RAPGEF2: variants seen among roughly 807,000 people sequenced by gnomAD.
RAPGEF2 encodes the protein PDZ domain containing guanine nucleotide exchange factor (GEF) 1.
A neutral mutation model predicts 186.7 loss-of-function variants in RAPGEF2; 54 were observed. The ratio of observed to expected loss-of-function variants is 0.29; its 90% CI spans 0.23 to 0.36. The LOEUF is 0.36. RAPGEF2 is among the 10% of genes least tolerant of loss of function. RAPGEF2 has a pLI of 1.00. For missense variants in RAPGEF2, 1,532 were observed against 2,045.0 expected (o/e 0.75, Z 4.84); for synonymous variants, 712 against 705.9 (o/e 1.01, Z -0.14).
intron 19 of RAPGEF2, among the ~76,000 whole-genome samples, chr4:159,341,164 A>G (rs1729420625): frequency 6.6e-6 from 1 of 152,228 alleles, no homozygotes; most frequent in African/African-American, 2.4e-5. Flanking sequence ...ATAAGAAAAT[A>G]AGGAAAATAA....
At chr4:159,270,553 T>C (rs1418770768) in intron 7 of RAPGEF2, among the ~76,000 whole-genome samples, 1 of 152,018 alleles carries the variant, frequency 6.6e-6, no homozygotes, top group African/African-American at 2.4e-5. Flanking sequence ...GTGGGGGCAT[T>C]TTTTTTAGCT....
chr4:159,352,210 A>G (rs1466974020), intron 26 of RAPGEF2, among the ~76,000 whole-genome samples: 1 of 152,198 alleles, frequency 6.6e-6, no homozygotes, highest in Non-Finnish European at 1.5e-5. Flanking sequence ...CTTTTTGTTT[A>G]TATGTTTACT....
chr4:159,237,212 G>T (rs1753372945), intron 4 of RAPGEF2, among the ~76,000 whole-genome samples: 2 of 151,974 alleles, frequency 1.3e-5, no homozygotes, highest in South Asian at 4.2e-4. Flanking sequence ...GTAGAGACGG[G>T]GTTTCACCAT....
At chr4:159,191,167 G>A (rs775486255) in intron 2 of RAPGEF2, among the ~76,000 whole-genome samples, 13 of 150,338 alleles carry the variant, frequency 8.6e-5, no homozygotes, top group Non-Finnish European at 1.5e-4. Flanking sequence ...TAGAAGTCAG[G>A]TAGAGGATGA....
At chr4:159,308,197 C>T (rs1763539209) in intron 8 of RAPGEF2, among the ~76,000 whole-genome samples, 1 of 152,126 alleles carries the variant, frequency 6.6e-6, no homozygotes, top group African/African-American at 2.4e-5. Flanking sequence ...CTGGCTTTAT[C>T]TTTGGGTGTA....
intron 1 of RAPGEF2, among the ~76,000 whole-genome samples, chr4:159,114,746 C>T (rs1433233579): frequency 1.3e-5 from 2 of 151,960 alleles, no homozygotes; most frequent in Non-Finnish European, 2.9e-5. Context: ...GAAGTCAATC[C>T]CAATGAAATT....
intron 1 of RAPGEF2, among the ~76,000 whole-genome samples, chr4:159,134,823 C>T (rs529167703): frequency 6.6e-6 from 1 of 152,320 alleles, no homozygotes; most frequent in South Asian, 2.1e-4. Flanking sequence ...AACTTTAGGA[C>T]ATTTTATCAA....
intron 1 of RAPGEF2, among the ~76,000 whole-genome samples, chr4:159,174,078 C>T (rs1330286122): frequency 6.6e-6 from 1 of 152,172 alleles, no homozygotes; most frequent in Non-Finnish European, 1.5e-5. Flanking sequence ...GACACTTTCT[C>T]TTTTCTTATT....
At chr4:159,315,099 G>A (rs1764403874) in intron 9 of RAPGEF2, among the ~76,000 whole-genome samples, 1 of 151,716 alleles carries the variant, frequency 6.6e-6, no homozygotes, top group South Asian at 2.1e-4. Flanking sequence ...TTTCTCGTGA[G>A]CACTGTTTTT....
chr4:159,162,579 GCA>G (rs1444462172), intron 1 of RAPGEF2, among the ~76,000 whole-genome samples: 6 of 152,076 alleles, frequency 3.9e-5, no homozygotes, highest in African/African-American at 1.4e-4. Context: ...GCCTACATCT[GCA>G]CAGTGTCTGC....
chr4:159,354,146 T>C, intron 28 of RAPGEF2, 100 bp downstream of exon 28: 1 of 1,250,310 alleles, frequency 8.0e-7, no homozygotes, highest in South Asian at 1.6e-5. Context: ...CTTTTCCTCA[T>C]TTTCTCCATT....
rs1297476770 is a variant in RAPGEF2 at position 159,238,891 on chromosome 4, G to A, written c.357+7G>A. Reference sequence around the variant, plus strand: ...GCCTTCTGAAATGATTGTGGTAAGAGTATTTCTGTGAGGACTATTTTTCCC... The same window carrying A: ...GCCTTCTGAAATGATTGTGGTAAGAATATTTCTGTGAGGACTATTTTTCCC... On this transcript the variant is annotated splice_region_variant and intron_variant, in intron 5 of 29. Coordinates refer to ENST00000691494, the MANE Select transcript of RAPGEF2 (RefSeq NM_001394067.2). 6.8e-7 allele frequency: 1 copy of A among 1,481,248 alleles called. No individual in the cohort carries two copies. The highest frequency in any genetic ancestry group is 2.5e-5 in the Admixed American group (1 of 40,700). The allele number at this position is 1,481,248 out of a possible 1,614,324, so 91.8% of individuals were successfully genotyped here.
chr4:159,118,871 C>T (rs1036922230), intron 1 of RAPGEF2, among the ~76,000 whole-genome samples: 1 of 152,186 alleles, frequency 6.6e-6, no homozygotes, highest in African/African-American at 2.4e-5. Context: ...AGGCATGAGC[C>T]ACCGCGCCCG....
intron 4 of RAPGEF2, among the ~76,000 whole-genome samples, chr4:159,238,309 T>A (rs1476241806): frequency 1.3e-5 from 2 of 152,228 alleles, no homozygotes; most frequent in African/African-American, 2.4e-5. Flanking sequence ...TATCTTTTTC[T>A]TAAAACATTT....
At chr4:159,238,962 A>T in intron 5 of RAPGEF2, 78 bp downstream of exon 5, 6 of 819,500 alleles carry the variant, frequency 7.3e-6, no homozygotes, top group Non-Finnish European at 1.0e-5. Flanking sequence ...ACTGCTTATA[A>T]TATTAGATTT....
chr4:159,234,536 C>T (rs1174426812), intron 4 of RAPGEF2, among the ~76,000 whole-genome samples: 1 of 149,100 alleles, frequency 6.7e-6, no homozygotes, highest in Non-Finnish European at 1.5e-5. Context: ...GCACATGCCA[C>T]CATGCCCGGC....
chr4:159,166,857 G>T (rs1267251842), intron 1 of RAPGEF2, among the ~76,000 whole-genome samples: 1 of 152,210 alleles, frequency 6.6e-6, no homozygotes, highest in Non-Finnish European at 1.5e-5. Flanking sequence ...TTGCCCATCA[G>T]GATGGATTGG....
chr4:159,200,910 A>ATG (rs1749335194), intron 3 of RAPGEF2, among the ~76,000 whole-genome samples: 1 of 152,190 alleles, frequency 6.6e-6, no homozygotes, highest in Admixed American at 6.5e-5. Flanking sequence ...ATATATTTAC[A>ATG]TATAACTCAG....
intron 6 of RAPGEF2, among the ~76,000 whole-genome samples, 199 bp downstream of exon 6, chr4:159,241,567 T>G (rs553307731): frequency 3.4e-4 from 50 of 149,184 alleles, no homozygotes; most frequent in South Asian, 8.4e-4. Flanking sequence ...ATATATTATT[T>G]AAACATTTAT....
Sources: allele counts gnomAD v4.1 joint callset (sites outside exome capture counted in the v4.1 genomes callset), GRCh38; gene constraint gnomAD v4.1.1; transcripts MANE v1.5; gene names NCBI Gene and HGNC (gene_info 2026-07-23, HGNC 2026-07-21).